The following BCAS3 variants were observed in gnomAD, a reference collection of about 807,000 sequenced individuals.
BCAS3 encodes the protein BCAS4/BCAS3 fusion.
Under a neutral mutation model 116.1 loss-of-function variants are expected in BCAS3, and 53 were observed. The ratio of observed to expected loss-of-function variants is 0.46; its 90% CI spans 0.37 to 0.57. The LOEUF (loss-of-function observed/expected upper bound fraction) is 0.57. BCAS3 is among the 20% of genes least tolerant of loss of function. BCAS3 has a pLI of 0.00. For missense variants in BCAS3, 917 were observed against 1,165.4 expected (o/e 0.79, Z 3.10); for synonymous variants, 391 against 408.2 (o/e 0.96, Z 0.51).
intron 4 of BCAS3, among the ~76,000 whole-genome samples, chr17:60,698,780 G>A (rs2035977860): frequency 6.6e-6 from 1 of 152,164 alleles, no homozygotes; most frequent in Admixed American, 6.5e-5. Flanking sequence ...CCAGGGCCAG[G>A]CACAGTGGCT....
intron 22 of BCAS3, among the ~76,000 whole-genome samples, chr17:61,288,017 C>G (rs577809665): frequency 1.4e-4 from 22 of 152,302 alleles, no homozygotes; most frequent in African/African-American, 4.6e-4. Context: ...CTTTACAACT[C>G]TAGCTTGTTA....
At chr17:61,210,696 T>C (rs2081406727) in intron 22 of BCAS3, among the ~76,000 whole-genome samples, 1 of 152,126 alleles carries the variant, frequency 6.6e-6, no homozygotes, top group Non-Finnish European at 1.5e-5. Flanking sequence ...AACTATTAAA[T>C]AGGATCACAA....
intron 11 of BCAS3, among the ~76,000 whole-genome samples, chr17:60,904,504 C>T (rs2058085319): frequency 6.6e-6 from 1 of 152,064 alleles, no homozygotes; most frequent in African/African-American, 2.4e-5. Flanking sequence ...ATACTCATGT[C>T]TTCCACATTT....
chr17:61,040,276 T>C (rs1157951386), intron 18 of BCAS3, among the ~76,000 whole-genome samples: 1 of 152,216 alleles, frequency 6.6e-6, no homozygotes, highest in Non-Finnish European at 1.5e-5. Flanking sequence ...TATTTAGGAG[T>C]GGGCAGATCT....
At chr17:61,318,992 G>T (rs2144809283) in intron 22 of BCAS3, among the ~76,000 whole-genome samples, 1 of 152,356 alleles carries the variant, frequency 6.6e-6, no homozygotes, top group South Asian at 2.1e-4. Context: ...GAAGCCATGT[G>T]ATCTTGAGCA....
At chr17:61,275,617 T>A (rs146806673) in intron 22 of BCAS3, among the ~76,000 whole-genome samples, 6 of 152,154 alleles carry the variant, frequency 3.9e-5, no homozygotes, top group Non-Finnish European at 8.8e-5. Context: ...TTAGCCTTGA[T>A]AAAATGGTTG....
rs1392506584 is a variant in BCAS3 at position 60,995,923 on chromosome 17, A to G, written c.1486+5688A>G. On this transcript the variant is annotated intron_variant, in intron 15 of 23. Transcript: ENST00000407086. This position sits in a 1 kb window ranked among gnomAD's most constrained non-coding sequence, Gnocchi z 4.7. ...AATTTGAAATTAGTATGCTTCCCAT[A>G]GGCCTTGCTGAGATGATGACATCTG... 6.6e-6 allele frequency among the ~76,000 whole-genome samples: 1 copy of G among 152,146 alleles called. No individual in the cohort carries two copies. Among genetic ancestry groups the G allele is most frequent in the Non-Finnish European group, 1.5e-5 (1 of 68,028 alleles).
chr17:61,198,386 C>T lies in BCAS3; in HGVS notation c.2425+113822C>T, dbSNP rs9913398. ...CGATCTCCTGACCTCGTGATCCACCCGCCTCGGACTCCCAAAGTGCTGGGA... is the reference window on the plus strand; with the variant it reads ...CGATCTCCTGACCTCGTGATCCACCTGCCTCGGACTCCCAAAGTGCTGGGA... On this transcript the variant is annotated intron_variant, in intron 22 of 23. Coordinates refer to ENST00000407086, the MANE Select transcript of BCAS3 (RefSeq NM_017679.5). The surrounding 1 kb of genome is among the most constrained non-coding windows in gnomAD (Gnocchi z 5.0). Among the ~76,000 whole-genome samples the T allele has an allele frequency of 0.21, 32,361 of 152,020 alleles. 4,320 individuals are homozygous for T. Among genetic ancestry groups the T allele is most frequent in the African/African-American group, 0.39 (15,979 of 41,422 alleles).
intron 4 of BCAS3, among the ~76,000 whole-genome samples, chr17:60,691,927 A>G (rs2034875541): frequency 6.6e-6 from 1 of 151,732 alleles, no homozygotes; most frequent in East Asian, 1.9e-4. Context: ...AATTTTTTTC[A>G]TTTTGGAACA....
chr17:61,158,360 G>A (rs941312532), intron 22 of BCAS3, among the ~76,000 whole-genome samples: 1 of 152,118 alleles, frequency 6.6e-6, no homozygotes, highest in Admixed American at 6.5e-5. Context: ...ATGACTTGTG[G>A]CTGGTATTTG....
chr17:60,796,225 A>T (rs2047201913), intron 6 of BCAS3, among the ~76,000 whole-genome samples: 1 of 152,274 alleles, frequency 6.6e-6, no homozygotes, highest in Admixed American at 6.5e-5. Context: ...TTTTGGTATT[A>T]GGGTAATGCT....
intron 10 of BCAS3, among the ~76,000 whole-genome samples, chr17:60,893,350 C>T (rs1030893107): frequency 3.9e-5 from 6 of 151,980 alleles, no homozygotes; most frequent in East Asian, 1.9e-4. Context: ...AGGTTTTCTT[C>T]TAGGATTTCT....
chr17:61,240,813 T>C (rs1188037457), intron 22 of BCAS3, among the ~76,000 whole-genome samples: 2 of 152,352 alleles, frequency 1.3e-5, no homozygotes, highest in East Asian at 3.9e-4. Context: ...GTCCATTTCT[T>C]TTAAATTGAT....
At chr17:60,730,291 G>T (rs1038239053) in intron 5 of BCAS3, among the ~76,000 whole-genome samples, 2 of 152,104 alleles carry the variant, frequency 1.3e-5, no homozygotes, top group African/African-American at 2.4e-5. Flanking sequence ...TTCATTATTT[G>T]TGTTCTGTGG....
At chr17:60,809,286 A>AG (rs1356335691) in intron 7 of BCAS3, among the ~76,000 whole-genome samples, 15 of 151,888 alleles carry the variant, frequency 9.9e-5, no homozygotes, top group Admixed American at 7.9e-4. Context: ...AAAAAAAAAA[A>AG]AGAGAGAGTT....
At chr17:61,173,320 A>G (rs1198609047) in intron 22 of BCAS3, among the ~76,000 whole-genome samples, 2 of 150,832 alleles carry the variant, frequency 1.3e-5, no homozygotes, top group Non-Finnish European at 3.0e-5. Flanking sequence ...ATGGTGGTGC[A>G]CACCTGTAGT....
Position 61,343,535 on chromosome 17 carries a change from C to T in BCAS3, c.2426-24792C>T, listed in dbSNP as rs917928265. On this transcript the variant is annotated intron_variant, in intron 22 of 23. Transcript: ENST00000407086. The surrounding 1 kb of genome is among the most constrained non-coding windows in gnomAD (Gnocchi z 5.5). ...CTCTAGTCTGGAGTGGGCCTTGTAG[C>T]TCCATGCATTTGAAAAACTCACTTG... Among the ~76,000 whole-genome samples, 17 of 152,196 alleles carry T rather than the reference C, an allele frequency of 1.1e-4. No homozygotes were observed. Among genetic ancestry groups the T allele is most frequent in the Non-Finnish European group, 2.4e-4 (16 of 68,030 alleles).
intron 18 of BCAS3, among the ~76,000 whole-genome samples, chr17:61,038,304 G>C (rs528570883): frequency 6.9e-6 from 1 of 145,710 alleles, no homozygotes; most frequent in East Asian, 2.0e-4. Context: ...TTGAGACGGA[G>C]TCTCACTCTG....
rs145341374 is a variant in BCAS3, at chr17:61,294,988, G to A, written c.2426-73339G>A. The stretch of plus-strand genomic sequence containing the variant: ...AAACAAAGACAGCCTCCAAGCCTCT[G>A]ATGACATCACTACTCAAGACTGTGT... On this transcript the variant is annotated intron_variant, in intron 22 of 23. Transcript: ENST00000407086. Among the ~76,000 whole-genome samples, 592 of 152,306 alleles carry A rather than the reference G, an allele frequency of 3.9e-3. 4 individuals are homozygous for A. The highest frequency in any genetic ancestry group is 0.014 in the African/African-American group (569 of 41,574).
Sources: allele counts gnomAD v4.1 joint callset (sites outside exome capture counted in the v4.1 genomes callset), GRCh38; gene constraint gnomAD v4.1.1; non-coding constraint Gnocchi (gnomAD v3.1); transcripts MANE v1.5; gene names NCBI Gene and HGNC (gene_info 2026-07-23, HGNC 2026-07-21).